Variants in ENDOD1 observed in about 807,000 individuals in gnomAD.
ENDOD1 encodes endonuclease domain containing 1.
ENDOD1 carries 9 observed loss-of-function variants against 6.5 expected under a neutral mutation model. That is an observed-to-expected ratio of 1.39 (90% CI 0.84 to 2.43). The LOEUF is 2.43. Among genes scored for constraint, ENDOD1 ranks in the 30% most tolerant of loss-of-function variants. ENDOD1 has a pLI of 0.00. For missense variants in ENDOD1, 648 were observed against 635.5 expected (o/e 1.02, Z -0.21); for synonymous variants, 255 against 255.2 (o/e 1.00, Z 0.01).
chr11:95,096,227 CTTTTTTTTT>C (rs10660230), intron 1 of ENDOD1, among the ~76,000 whole-genome samples: 14 of 49,964 alleles, frequency 2.8e-4, no homozygotes, highest in Admixed American at 3.9e-4. Context: ...GTCAAGAAAG[CTTTTTTTTT>C]TTTTTTTTTT....
chr11:95,108,889 C>T (rs542876986), intron 1 of ENDOD1, among the ~76,000 whole-genome samples: 1 of 152,276 alleles, frequency 6.6e-6, no homozygotes, highest in East Asian at 1.9e-4. Flanking sequence ...CCCCTGTAGG[C>T]AGCTCTGATA....
chr11:95,122,364 A>T (rs1303050465), intron 1 of ENDOD1, among the ~76,000 whole-genome samples: 4 of 150,630 alleles, frequency 2.7e-5, no homozygotes, highest in African/African-American at 9.7e-5. Flanking sequence ...CTGGGACTAC[A>T]GGCACATGCC....
chr11:95,089,878 GCGCCGCGGCAGCCCAGCCGCTCGGCCC>G lies in ENDOD1; in HGVS notation c.-42_-16del, dbSNP rs782799605. 6 of 1,286,330 alleles carry G rather than the reference GCGCCGCGGCAGCCCAGCCGCTCGGCCC, an allele frequency of 4.7e-6. No homozygotes were observed. The African/African-American group carries it at 9.4e-5, about 20-fold the overall frequency. The allele number at this position is 1,286,330 out of a possible 1,614,324, so 79.7% of individuals were successfully genotyped here. On this transcript the variant is annotated 5_prime_UTR_variant, in exon 1 of 2. Transcript: ENST00000278505. ...GCTCCCCGCCCAGCCTGCAGAGCTC[GCGCCGCGGCAGCCCAGCCGCTCGGCCC>G]CGCCGCGCTCGCAGAGGCCGCCATG...
At chr11:95,095,038 T>TGCAC (rs3222457) in intron 1 of ENDOD1, among the ~76,000 whole-genome samples, 1 of 137,508 alleles carries the variant, frequency 7.3e-6, no homozygotes, top group Non-Finnish European at 1.5e-5. Flanking sequence ...GCTAGGCGTG[T>TGCAC]GCACGCACAC....
At chr11:95,119,809 TA>T (rs1175683496) in intron 1 of ENDOD1, among the ~76,000 whole-genome samples, 2 of 152,198 alleles carry the variant, frequency 1.3e-5, no homozygotes, top group Non-Finnish European at 2.9e-5. Context: ...AGCCAGGGAC[TA>T]GAGTCAAAAG....
At chr11:95,106,821 C>A (rs935253563) in intron 1 of ENDOD1, among the ~76,000 whole-genome samples, 7 of 89,860 alleles carry the variant, frequency 7.8e-5, no homozygotes, top group South Asian at 3.6e-4. Flanking sequence ...TTCATAGACA[C>A]CCCCCCCTTT....
rs929880780 is a variant in ENDOD1 at position 95,132,256 on chromosome 11, C to T, written c.*2677C>T. 1 of 152,652 alleles carries T rather than the reference C, an allele frequency of 6.6e-6. No individual in the cohort carries two copies. Among genetic ancestry groups the T allele is most frequent in the Non-Finnish European group, 1.5e-5 (1 of 68,046 alleles). The allele number at this position is 152,652 out of a possible 1,614,324, so 9.5% of individuals were successfully genotyped here. A position where few individuals can be genotyped will look rare whatever the true frequency, so the allele number is the denominator to read the frequency against. ...GCCTTTTGAATGTTGTCTTCTCACT[C>T]AGCATCAGCACTTCGATCTAAATGC... On this transcript the variant is annotated 3_prime_UTR_variant, in exon 2 of 2. Coordinates refer to ENST00000278505, the MANE Select transcript of ENDOD1 (RefSeq NM_015036.3).
intron 1 of ENDOD1, among the ~76,000 whole-genome samples, chr11:95,095,148 A>G (rs1222126123): frequency 3.9e-5 from 6 of 152,264 alleles, no homozygotes; most frequent in Admixed American, 3.9e-4. Flanking sequence ...CTATCCATGT[A>G]TCTTCTCAAA....
At chr11:95,124,440 A>G (rs1374850263) in intron 1 of ENDOD1, among the ~76,000 whole-genome samples, 5 of 152,236 alleles carry the variant, frequency 3.3e-5, no homozygotes, top group African/African-American at 9.6e-5. Context: ...ACTATGTTCT[A>G]TCTTGTCATC....
In ENDOD1 at chr11:95,089,944, G is replaced by A. The variant is rs773581617; in HGVS notation, c.17G>A (p.Trp6Ter). The change falls in exon 1 of 2, where the codon TGG becomes TAG. Residue 6 changes from tryptophan (W) to a stop codon, truncating the protein, a stop_gained. Coordinates refer to ENST00000278505, the MANE Select transcript of ENDOD1 (RefSeq NM_015036.3). LOFTEE classifies it high-confidence loss of function. The stretch of plus-strand genomic sequence containing the variant: ...GAGGCCGCCATGGGCACCGCGCGCT[G>A]GCTCGCGCTGGGCAGCCTCTTCGCC... MGTAR[W>*]LALGSLFALA... 2.7e-6 allele frequency: 4 copies of A among 1,459,182 alleles called. No homozygotes were observed. In the African/African-American group the frequency reaches 5.9e-5, roughly 21 times the overall value. The allele number at this position is 1,459,182 out of a possible 1,614,324, so 90.4% of individuals were successfully genotyped here. A position where few individuals can be genotyped will look rare whatever the true frequency, so the allele number is the denominator to read the frequency against.
rs892763592 is a variant in ENDOD1, at chr11:95,090,184, C to G, written c.257C>G (p.Pro86Arg). The change falls in exon 1 of 2, where the codon CCT (proline) becomes CGT (arginine). Residue 86 changes from proline (P) to arginine (R), a missense_variant. Coordinates refer to ENST00000278505, the MANE Select transcript of ENDOD1 (RefSeq NM_015036.3). ...TACTCCGCGTTCCGCGCCCCGCGCC[C>G]TGCGCCCGGCGGCGCCGAGCAGCGA... ...PVYSAFRAPR[P>R]APGGAEQRWL... 7.0e-7 allele frequency: 1 copy of G among 1,423,220 alleles called. No individual in the cohort carries two copies. The highest frequency in any genetic ancestry group is 9.3e-7 in the Non-Finnish European group (1 of 1,072,268). 88.2% of individuals were successfully genotyped at this position (1,423,220 alleles called of 1,614,324 possible). A position where few individuals can be genotyped will look rare whatever the true frequency, so the allele number is the denominator to read the frequency against.
At chr11:95,106,709 T>C (rs11021043) in intron 1 of ENDOD1, among the ~76,000 whole-genome samples, 7,690 of 152,186 alleles carry the variant, frequency 0.051, 275 homozygotes, top group African/African-American at 0.092. Context: ...ATGACAGCTC[T>C]TGCGATTTGT....
At chr11:95,096,620 GT>G in intron 1 of ENDOD1, among the ~76,000 whole-genome samples, 1 of 152,274 alleles carries the variant, frequency 6.6e-6, no homozygotes, top group Non-Finnish European at 1.5e-5. Flanking sequence ...ACATGTTTCA[GT>G]TGACTTATAC....
At chr11:95,111,071 T>C (rs1555111888) in intron 1 of ENDOD1, among the ~76,000 whole-genome samples, 1 of 152,134 alleles carries the variant, frequency 6.6e-6, no homozygotes, top group Non-Finnish European at 1.5e-5. Context: ...ACTGGCAGGC[T>C]CCAAATCTTC....
chr11:95,114,519 C>A (rs550303839), intron 1 of ENDOD1, among the ~76,000 whole-genome samples: 1 of 152,084 alleles, frequency 6.6e-6, no homozygotes, highest in Non-Finnish European at 1.5e-5. Flanking sequence ...TCCATTTGTC[C>A]ATTTTTGTTA....
chr11:95,108,610 A>AT (rs746971573), intron 1 of ENDOD1, among the ~76,000 whole-genome samples: 6 of 152,154 alleles, frequency 3.9e-5, no homozygotes, highest in Non-Finnish European at 8.8e-5. Context: ...GATAAAGAGT[A>AT]TTTTAGATGC....
intron 1 of ENDOD1, among the ~76,000 whole-genome samples, chr11:95,097,180 C>T (rs1270882059): frequency 1.4e-5 from 2 of 146,504 alleles, no homozygotes; most frequent in Non-Finnish European, 3.0e-5. Context: ...GCATATTAGA[C>T]AGTGATAAGT....
intron 1 of ENDOD1, among the ~76,000 whole-genome samples, chr11:95,113,781 C>T (rs913659676): frequency 2.6e-5 from 4 of 152,068 alleles, no homozygotes; most frequent in African/African-American, 9.7e-5. Context: ...GGAATTGCTG[C>T]GTCATATTGT....
intron 1 of ENDOD1, among the ~76,000 whole-genome samples, chr11:95,093,820 T>A (rs1027674811): frequency 2.0e-4 from 30 of 152,208 alleles, no homozygotes; most frequent in South Asian, 6.2e-4. Flanking sequence ...AACCCTGCTC[T>A]GCAGCCACTC....
Sources: allele counts gnomAD v4.1 joint callset (sites outside exome capture counted in the v4.1 genomes callset), GRCh38; gene constraint gnomAD v4.1.1; transcripts MANE v1.5; gene names NCBI Gene and HGNC (gene_info 2026-07-23, HGNC 2026-07-21).